The following RPS6KA2 variants were observed in gnomAD, a reference collection of about 807,000 sequenced individuals.
RPS6KA2 encodes the protein ribosomal protein S6 kinase A2.
RPS6KA2 carries 42 observed loss-of-function variants against 91.8 expected under a neutral mutation model. That is an observed-to-expected ratio of 0.46 (90% CI 0.36 to 0.59). The LOEUF (loss-of-function observed/expected upper bound fraction) is 0.59. RPS6KA2 is among the 20% of genes least tolerant of loss of function. RPS6KA2 has a pLI of 0.00. For missense variants in RPS6KA2, 798 were observed against 978.5 expected (o/e 0.82, Z 2.46); for synonymous variants, 414 against 393.6 (o/e 1.05, Z -0.61).
At chr6:166,465,015 T>A (rs989563886) in intron 11 of RPS6KA2, among the ~76,000 whole-genome samples, 1 of 132,064 alleles carries the variant, frequency 7.6e-6, no homozygotes, top group Non-Finnish European at 1.6e-5. Context: ...AATAAATAAA[T>A]AAAAAGATCT....
At chr6:166,779,587 C>T (rs1042105264) in intron 2 of RPS6KA2, among the ~76,000 whole-genome samples, 18 of 152,216 alleles carry the variant, frequency 1.2e-4, no homozygotes, top group African/African-American at 4.1e-4. Context: ...CGGAGCCGCT[C>T]CGGGGCCTCA....
chr6:166,477,303 C>T (rs981822647), intron 10 of RPS6KA2, among the ~76,000 whole-genome samples: 13 of 152,236 alleles, frequency 8.5e-5, no homozygotes, highest in African/African-American at 3.1e-4. Context: ...CCGAGGTGAG[C>T]CATTCTCCAT....
intron 2 of RPS6KA2, among the ~76,000 whole-genome samples, chr6:166,843,546 G>C (rs753849009): frequency 2.6e-4 from 40 of 152,226 alleles, no homozygotes; most frequent in Non-Finnish European, 4.4e-5. Flanking sequence ...CACTGGAGCA[G>C]GTGCTGGTAT....
chr6:166,727,150 C>T (rs1477462378), intron 2 of RPS6KA2, among the ~76,000 whole-genome samples: 1 of 152,130 alleles, frequency 6.6e-6, no homozygotes, highest in African/African-American at 2.4e-5. Flanking sequence ...CTAGCATCCT[C>T]TTTTTCAGGT....
At position 166,435,698 on chromosome 6, in the gene RPS6KA2, G is replaced by T. The variant is rs1439496108; in HGVS notation, c.1333-3208C>A. ...GCCAGCGGTCTTTCAGCAAACATCT[G>T]GTTTGCTCCTGAGGGGAAGTCACGT... On this transcript the variant is annotated intron_variant, in intron 14 of 20. Coordinates refer to ENST00000265678, the MANE Select transcript of RPS6KA2 (RefSeq NM_021135.6). This position sits in a 1 kb window ranked among gnomAD's most constrained non-coding sequence, Gnocchi z 4.3. 1.3e-5 allele frequency among the ~76,000 whole-genome samples: 2 copies of T among 152,278 alleles called. No homozygotes were observed. The highest frequency in any genetic ancestry group is 4.8e-5 in the African/African-American group (2 of 41,474).
intron 2 of RPS6KA2, among the ~76,000 whole-genome samples, chr6:166,675,478 A>G (rs1788593632): frequency 6.6e-6 from 1 of 152,204 alleles, no homozygotes; most frequent in African/African-American, 2.4e-5. Flanking sequence ...CCACAAGAGC[A>G]GAGAGGCTGT....
At chr6:166,511,925 C>A (rs979603887) in intron 3 of RPS6KA2, among the ~76,000 whole-genome samples, 2 of 152,092 alleles carry the variant, frequency 1.3e-5, no homozygotes, top group Non-Finnish European at 2.9e-5. Context: ...CCATGCAGCC[C>A]AGCAACTCTG....
intron 2 of RPS6KA2, among the ~76,000 whole-genome samples, chr6:166,777,797 A>G (rs1410951820): frequency 3.3e-5 from 5 of 152,174 alleles, no homozygotes; most frequent in African/African-American, 1.2e-4. Context: ...TTTTGGCAAT[A>G]CAGCAGAAAA....
At position 166,767,271 on chromosome 6, in the gene RPS6KA2, C is replaced by T. The variant is rs1052581226; in HGVS notation, c.123+90929G>A. ...AAAAGCAAAATACAACTGCGACTAC[C>T]GTCTCACACGCTTCAGCTTGCAAGG... On this transcript the variant is annotated intron_variant, in intron 2 of 21. Transcript: ENST00000503859. This position sits in a 1 kb window ranked among gnomAD's most constrained non-coding sequence, Gnocchi z 4.6. Among the ~76,000 whole-genome samples the T allele has an allele frequency of 1.3e-5, 2 of 152,180 alleles. No individual in the cohort carries two copies. Among genetic ancestry groups the T allele is most frequent in the South Asian group, 2.1e-4 (1 of 4,830 alleles).
At chr6:166,834,293 T>C (rs1192347776) in intron 2 of RPS6KA2, among the ~76,000 whole-genome samples, 2 of 152,216 alleles carry the variant, frequency 1.3e-5, no homozygotes, top group African/African-American at 4.8e-5. Flanking sequence ...ACTCATGATG[T>C]TGAGCATCTT....
chr6:166,510,494 TG>T, intron 3 of RPS6KA2, 137 bp from the exon 4 acceptor site: 2 of 429,620 alleles, frequency 4.7e-6, no homozygotes, highest in Non-Finnish European at 8.2e-6. Flanking sequence ...TTGAAAAAGT[TG>T]TACAATAATC....
chr6:166,780,580 G>A (rs1472199010), intron 2 of RPS6KA2, among the ~76,000 whole-genome samples: 2 of 152,184 alleles, frequency 1.3e-5, no homozygotes, highest in Non-Finnish European at 2.9e-5. Context: ...AGAAGCCAGA[G>A]GTTCCCTTCA....
chr6:166,450,100 TGGGGACCAACA>T (rs1779832238), intron 13 of RPS6KA2, among the ~76,000 whole-genome samples: 3 of 108,760 alleles, frequency 2.8e-5, no homozygotes, highest in African/African-American at 3.7e-5. Flanking sequence ...GGAACCACCA[TGGGGACCAACA>T]TGGAGACCAA....
chr6:166,712,033 C>T (rs1377597161), intron 2 of RPS6KA2, among the ~76,000 whole-genome samples: 2 of 152,204 alleles, frequency 1.3e-5, no homozygotes, highest in Admixed American at 6.5e-5. Flanking sequence ...ACACTGTGAA[C>T]ACCTCTATAC....
intron 2 of RPS6KA2, among the ~76,000 whole-genome samples, chr6:166,659,424 G>A (rs368752159): frequency 2.6e-5 from 4 of 152,322 alleles, no homozygotes; most frequent in South Asian, 2.1e-4. Context: ...GAAGACGATC[G>A]TGCAGGACAG....
At chr6:166,439,458 G>A (rs1779450522) in intron 14 of RPS6KA2, among the ~76,000 whole-genome samples, 1 of 152,178 alleles carries the variant, frequency 6.6e-6, no homozygotes, top group African/African-American at 2.4e-5. Flanking sequence ...AAATATTTAT[G>A]CTAAATGAAG....
intron 1 of RPS6KA2, among the ~76,000 whole-genome samples, chr6:166,571,846 AAAC>A (rs1448441583): frequency 6.6e-6 from 1 of 152,210 alleles, no homozygotes; most frequent in African/African-American, 2.4e-5. Context: ...CATAATCTTG[AAAC>A]AACTGACTTC....
intron 11 of RPS6KA2, chr6:166,463,543 G>A (rs1780408005): frequency 6.6e-6 from 1 of 152,168 alleles, no homozygotes. Flanking sequence ...GCGCACGTGA[G>A]GAAGCCCGGA....
At chr6:166,544,625 A>G (rs1417336576) in intron 1 of RPS6KA2, 1 of 152,254 alleles carries the variant, frequency 6.6e-6, no homozygotes, top group Non-Finnish European at 1.5e-5. Flanking sequence ...AATTCAGATC[A>G]TCTGAGGCCC....
Sources: gnomAD v4.1 joint callset for allele counts (sites outside exome capture counted in the v4.1 genomes callset) on GRCh38, gnomAD v4.1.1 for gene constraint, Gnocchi (gnomAD v3.1) non-coding constraint, MANE v1.5 for transcripts, NCBI Gene and HGNC (gene_info 2026-07-23, HGNC 2026-07-21) for gene names.